Variants in SPATA18 observed in about 807,000 individuals in gnomAD.
The protein encoded by SPATA18 is mitochondria-eating protein.
Under a neutral mutation model 68.1 loss-of-function variants are expected in SPATA18, and 54 were observed. The observed-to-expected ratio is 0.79, with a 90% CI of 0.64 to 0.99. SPATA18 has a LOEUF of 0.99. SPATA18 is among the 50% of genes least tolerant of loss of function. The pLI is 0.00. For synonymous variants in SPATA18, 242 were observed against 244.8 expected, an observed-to-expected ratio of 0.99 and a Z score of 0.11; for missense variants, 724 against 681.1, an observed-to-expected ratio of 1.06 and a Z score of -0.70.
At chr4:52,063,655 C>A (rs960854106) in intron 4 of SPATA18, among the ~76,000 whole-genome samples, 45 of 152,238 alleles carry the variant, frequency 3.0e-4, no homozygotes, top group African/African-American at 1.1e-3. Flanking sequence ...GCATTAAGAG[C>A]TATTTTTGCC....
At chr4:52,083,383 T>A (rs1278105797) in intron 10 of SPATA18, 1 of 985,386 alleles carries the variant, frequency 1.0e-6, no homozygotes, top group South Asian at 4.7e-5. Context: ...TTAAAAGAAC[T>A]GAAGAAAAGG....
intron 3 of SPATA18, among the ~76,000 whole-genome samples, chr4:52,061,486 A>AT (rs1738844652): frequency 2.1e-5 from 2 of 95,570 alleles, no homozygotes; most frequent in Non-Finnish European, 3.8e-5. Flanking sequence ...ACCTAAAGTA[A>AT]AAATAATAAT....
At chr4:52,081,097 G>C (rs781317764) in intron 9 of SPATA18, among the ~76,000 whole-genome samples, 1 of 152,188 alleles carries the variant, frequency 6.6e-6, no homozygotes, top group Non-Finnish European at 1.5e-5. Context: ...GTTCCACAGA[G>C]CACATTATCT....
At position 52,094,969 on chromosome 4, in the gene SPATA18, T is replaced by G; in HGVS notation, c.*82T>G. ...CCGCCATCTGTCTTCTGTGTCTGCC[T>G]CAGACCTCACTTAAGATAATGTCAA... is the stretch of plus-strand genomic sequence containing the variant. On this transcript the variant is annotated 3_prime_UTR_variant, in exon 13 of 13. Coordinates refer to ENST00000295213, the MANE Select transcript of SPATA18 (RefSeq NM_145263.4). 6.6e-7 allele frequency: 1 copy of G among 1,517,662 alleles called. No homozygotes were observed. Among genetic ancestry groups the G allele is most frequent in the Non-Finnish European group, 9.2e-7 (1 of 1,092,214 alleles). The allele number at this position is 1,517,662 out of a possible 1,614,324, so 94.0% of individuals were successfully genotyped here.
At position 52,094,816 on chromosome 4, in the gene SPATA18, G is replaced by A. The variant is rs532909191; in HGVS notation, c.1610-64G>A. 2.8e-5 allele frequency: 45 copies of A among 1,600,898 alleles called. No individual in the cohort carries two copies. The South Asian group carries it at 4.7e-4, about 17-fold the overall frequency. On this transcript the variant is annotated intron_variant, in intron 12 of 12. Coordinates refer to ENST00000295213, the MANE Select transcript of SPATA18 (RefSeq NM_145263.4). ...CTAGATTAACCGCCTCTTTCATTTA[G>A]GTGCTTCCAAAAGAAAATCGAAGAA...
At chr4:52,052,054 T>C (rs1711902371) in intron 1 of SPATA18, among the ~76,000 whole-genome samples, 2 of 152,122 alleles carry the variant, frequency 1.3e-5, no homozygotes, top group Non-Finnish European at 2.9e-5. Context: ...GGAGAGTGCT[T>C]CCAATCAGTG....
intron 1 of SPATA18, among the ~76,000 whole-genome samples, chr4:52,054,027 C>A (rs1306838664): frequency 6.6e-6 from 1 of 152,226 alleles, no homozygotes; most frequent in Non-Finnish European, 1.5e-5. Flanking sequence ...TCCAGCAGTA[C>A]CAGCTTTCTT....
intron 10 of SPATA18, chr4:52,083,299 C>T (rs902305451): frequency 1.8e-5 from 18 of 985,168 alleles, no homozygotes; most frequent in Non-Finnish European, 7.2e-6. Context: ...TTCCTGTTCT[C>T]CTTGAACTGA....
intron 11 of SPATA18, among the ~76,000 whole-genome samples, chr4:52,090,476 G>A (rs1741836895): frequency 6.6e-6 from 1 of 152,100 alleles, no homozygotes; most frequent in Non-Finnish European, 1.5e-5. Flanking sequence ...GGCAGGTCTG[G>A]TGATGGCAAA....
chr4:52,064,647 T>C (rs1739166748), intron 4 of SPATA18, among the ~76,000 whole-genome samples: 1 of 152,242 alleles, frequency 6.6e-6, no homozygotes, highest in Non-Finnish European at 1.5e-5. Context: ...ATGGTGTATA[T>C]ATACCACATT....
rs780395902 is a variant in SPATA18, at chr4:52,094,578, T to A, written c.1609+6T>A. The A allele has an allele frequency of 2.5e-6, 4 of 1,613,606 alleles. No individual in the cohort carries two copies. The highest frequency in any genetic ancestry group is 3.4e-6 in the Non-Finnish European group (4 of 1,179,646). ...AATAAGATGTGGATTGCCAAGTAAG[T>A]GGGATTAGTTCAGATGGATCAAATT... is the stretch of plus-strand genomic sequence containing the variant. On this transcript the variant is annotated splice_donor_region_variant and intron_variant, in intron 12 of 12. Transcript: ENST00000295213.
chr4:52,066,017 C>T (rs1290108685), intron 4 of SPATA18, among the ~76,000 whole-genome samples: 1 of 152,174 alleles, frequency 6.6e-6, no homozygotes, highest in African/African-American at 2.4e-5. Flanking sequence ...TGGTTCAATC[C>T]TCTGACATCT....
At chr4:52,087,218 G>A (rs966514722) in intron 11 of SPATA18, among the ~76,000 whole-genome samples, 1 of 152,158 alleles carries the variant, frequency 6.6e-6, no homozygotes, top group Non-Finnish European at 1.5e-5. Context: ...TCTGTAGGTT[G>A]CCTGTTCATT....
intron 11 of SPATA18, among the ~76,000 whole-genome samples, chr4:52,085,732 TG>T (rs1055251615): frequency 7.2e-5 from 11 of 151,866 alleles, no homozygotes; most frequent in Non-Finnish European, 1.6e-4. Flanking sequence ...CCAAATTATC[TG>T]GGTATAACAA....
chr4:52,053,604 C>T (rs567847696), intron 1 of SPATA18, among the ~76,000 whole-genome samples: 2 of 152,308 alleles, frequency 1.3e-5, no homozygotes, highest in African/African-American at 4.8e-5. Context: ...GCTCAGAATG[C>T]TCAAAGTCAA....
At chr4:52,070,085 A>G (rs1004980499) in intron 5 of SPATA18, among the ~76,000 whole-genome samples, 169 bp downstream of exon 5, 2 of 151,216 alleles carry the variant, frequency 1.3e-5, no homozygotes, top group African/African-American at 4.8e-5. Flanking sequence ...CTTATCTACT[A>G]TAGAAAACTT....
chr4:52,061,102 G>A (rs1363869951), intron 3 of SPATA18, among the ~76,000 whole-genome samples: 1 of 152,112 alleles, frequency 6.6e-6, no homozygotes, highest in Non-Finnish European at 1.5e-5. Flanking sequence ...CTTGCTTAAG[G>A]CATCCACATC....
intron 9 of SPATA18, among the ~76,000 whole-genome samples, chr4:52,081,952 G>A (rs11727580): frequency 0.14 from 8,633 of 60,124 alleles, 1,721 homozygotes; most frequent in Non-Finnish European, 0.3. Flanking sequence ...TCAGGTTTCT[G>A]TCGATCCATT....
At chr4:52,055,378 G>C (rs1419430934) in intron 1 of SPATA18, among the ~76,000 whole-genome samples, 1 of 151,958 alleles carries the variant, frequency 6.6e-6, no homozygotes, top group Admixed American at 6.5e-5. Context: ...GGCTCTCATT[G>C]CCAATACTAG....
Sources: allele counts gnomAD v4.1 joint callset (sites outside exome capture counted in the v4.1 genomes callset), GRCh38; gene constraint gnomAD v4.1.1; transcripts MANE v1.5; gene names NCBI Gene and HGNC (gene_info 2026-07-23, HGNC 2026-07-21).